CYP24A1: variants seen among roughly 807,000 people sequenced by gnomAD.
CYP24A1 encodes cytochrome P450 family 24 subfamily A member 1.
CYP24A1 carries 68 observed loss-of-function variants against 62.4 expected under a neutral mutation model. The ratio of observed to expected loss-of-function variants is 1.09; its 90% CI spans 0.90 to 1.33. The LOEUF is 1.33. Ranked by LOEUF, CYP24A1 falls within the 40% of genes most tolerant of loss-of-function variation. The pLI, the probability that CYP24A1 is intolerant of heterozygous loss-of-function variation, is 0.00. For missense variants in CYP24A1, 787 were observed against 653.0 expected (o/e 1.21, Z -2.24); for synonymous variants, 267 against 253.0 (o/e 1.06, Z -0.52).
At chr20:54,145,751 C>A in the CYP24A1 span, among the ~76,000 whole-genome samples, 1 of 152,108 alleles carries the variant, frequency 6.6e-6, no homozygotes, top group Non-Finnish European at 1.5e-5. Context: ...TCCTTTCTCA[C>A]GTAATCACCA....
chr20:54,158,532 ATGT>A (rs1240174250), intron 8 of CYP24A1, among the ~76,000 whole-genome samples: 2 of 152,186 alleles, frequency 1.3e-5, no homozygotes, highest in African/African-American at 2.4e-5. Flanking sequence ...TAATCCTAAA[ATGT>A]TGTGAGTTTT....
At position 54,166,461 on chromosome 20, in the gene CYP24A1, C is replaced by G. The variant is rs146159008; in HGVS notation, c.641-628G>C. Reference sequence around the variant, plus strand: ...ATCCCCCGAACTCATCAACATCTTGCTGCCATTTCTTTCTCTTTGTGTGTA... The same window carrying G: ...ATCCCCCGAACTCATCAACATCTTGGTGCCATTTCTTTCTCTTTGTGTGTA... On this transcript the variant is annotated intron_variant, in intron 4 of 11. Transcript: ENST00000216862. 5.5e-3 allele frequency among the ~76,000 whole-genome samples: 838 copies of G among 152,290 alleles called. 8 individuals are homozygous for G. Among genetic ancestry groups the G allele is most frequent in the African/African-American group, 0.019 (802 of 41,562 alleles).
chr20:54,147,376 G>A, the CYP24A1 span, among the ~76,000 whole-genome samples: 3 of 152,188 alleles, frequency 2.0e-5, no homozygotes, highest in Admixed American at 6.5e-5. Context: ...TTTCTAGAAC[G>A]TGCAAAATAG....
At chr20:54,172,853 C>A (rs2092698560) in intron 2 of CYP24A1, 56 bp downstream of exon 2, 1 of 1,610,868 alleles carries the variant, frequency 6.2e-7, no homozygotes, top group South Asian at 1.1e-5. Flanking sequence ...AATTTCCAGG[C>A]GCCGTCAGGC....
chr20:54,150,972 C>T (rs1002237630), downstream of CYP24A1, among the ~76,000 whole-genome samples: 6 of 152,030 alleles, frequency 3.9e-5, no homozygotes, highest in African/African-American at 1.2e-4. Flanking sequence ...AATACAAACA[C>T]GATCAGTTTT....
At chr20:54,162,691 C>G in intron 7 of CYP24A1, 26 bp downstream of exon 7, 1 of 1,486,418 alleles carries the variant, frequency 6.7e-7, no homozygotes, top group Non-Finnish European at 9.4e-7. Flanking sequence ...GTTCATTTAG[C>G]AAACTCAAAT....
intron 6 of CYP24A1, among the ~76,000 whole-genome samples, chr20:54,163,693 C>T (rs1227115733): frequency 6.6e-6 from 1 of 152,244 alleles, no homozygotes; most frequent in Non-Finnish European, 1.5e-5. Flanking sequence ...TCCCCTTCGT[C>T]ATGTGGCAGA....
the CYP24A1 span, among the ~76,000 whole-genome samples, chr20:54,145,639 C>CAAAAA: frequency 1.1e-5 from 1 of 93,846 alleles, no homozygotes; most frequent in African/African-American, 4.3e-5. Flanking sequence ...GACTCTGTCT[C>CAAAAA]AAAAAAAAAA....
chr20:54,163,914 T>C (rs895243962), intron 6 of CYP24A1, among the ~76,000 whole-genome samples: 1 of 152,170 alleles, frequency 6.6e-6, no homozygotes, highest in Admixed American at 6.6e-5. Flanking sequence ...GAACTTGAAC[T>C]CAGGAGTCCC....
At position 54,173,204 on chromosome 20, in the gene CYP24A1, C is replaced by A. The variant is rs2248137; in HGVS notation, c.259-105G>T. ...TCCTCCTAGGGGACCGGGGACCCTC[C>A]CTGCCCAGACGCCGAAGCGCACCAT... On this transcript the variant is annotated intron_variant, in intron 1 of 11. Coordinates refer to ENST00000216862, the MANE Select transcript of CYP24A1 (RefSeq NM_000782.5). This position sits in a 1 kb window ranked among gnomAD's most constrained non-coding sequence, Gnocchi z 7.2. 39 of 1,524,142 alleles carry A rather than the reference C, an allele frequency of 2.6e-5. No individual in the cohort carries two copies. Among genetic ancestry groups the A allele is most frequent in the Admixed American group, 1.2e-4 (7 of 56,728 alleles). The allele number at this position is 1,524,142 out of a possible 1,614,324, so 94.4% of individuals were successfully genotyped here. A position where few individuals can be genotyped will look rare whatever the true frequency, so the allele number is the denominator to read the frequency against.
chr20:54,162,549 T>C (rs539686344), intron 7 of CYP24A1, 168 bp downstream of exon 7: 2 of 462,284 alleles, frequency 4.3e-6, no homozygotes, highest in South Asian at 4.6e-5. Flanking sequence ...GTGGCATAGA[T>C]GCTGTGCGCG....
intron 11 of CYP24A1, among the ~76,000 whole-genome samples, chr20:54,155,849 CT>C (rs1273081375): frequency 6.6e-6 from 1 of 151,846 alleles, no homozygotes; most frequent in African/African-American, 2.4e-5. Context: ...GACTTACTAA[CT>C]CTTAATTTCA....
Position 54,173,695 on chromosome 20 carries a change from C to T in CYP24A1, c.-116G>A. On this transcript the variant is annotated 5_prime_UTR_variant, in exon 1 of 12. Transcript: ENST00000216862. The surrounding 1 kb of genome is among the most constrained non-coding windows in gnomAD (Gnocchi z 7.2). Reference sequence around the variant, plus strand: ...TTCTGGGAAAAGGAAGCAAAGAGGGCCAGCTGGTGTGATGGAGCGGGGTGA... The same window carrying T: ...TTCTGGGAAAAGGAAGCAAAGAGGGTCAGCTGGTGTGATGGAGCGGGGTGA... 1.4e-6 allele frequency: 1 copy of T among 704,632 alleles called. No individual in the cohort carries two copies. 43.6% of individuals were successfully genotyped at this position (704,632 alleles called of 1,614,324 possible). A position where few individuals can be genotyped will look rare whatever the true frequency, so the allele number is the denominator to read the frequency against.
intron 5 of CYP24A1, 75 bp from the exon 6 acceptor site, chr20:54,164,638 C>A (rs1009008208): frequency 2.5e-6 from 4 of 1,611,518 alleles, no homozygotes; most frequent in East Asian, 4.5e-5. Context: ...GGAAGAGGAA[C>A]ATTCTAAACC....
At chr20:54,159,777 T>C (rs951744223) in intron 7 of CYP24A1, among the ~76,000 whole-genome samples, 3 of 152,204 alleles carry the variant, frequency 2.0e-5, no homozygotes, top group African/African-American at 4.8e-5. Context: ...GTTAAATCAA[T>C]GCCAATTTTC....
At chr20:54,169,452 A>T in intron 4 of CYP24A1, 140 bp downstream of exon 4, 1 of 1,528,070 alleles carries the variant, frequency 6.5e-7, no homozygotes, top group Non-Finnish European at 8.8e-7. Flanking sequence ...TTAAGCACCT[A>T]AAAGAAGCAT....
At chr20:54,166,902 GGCTACATGTGCCTGTAGTTCCA>G (rs1318874627) in intron 4 of CYP24A1, among the ~76,000 whole-genome samples, 46 of 152,152 alleles carry the variant, frequency 3.0e-4, no homozygotes, top group African/African-American at 1.1e-3. Context: ...ATTCAGGCAT[GGCTACATGTGCCTGTAGTTCCA>G]GCTACTCTGG....
At chr20:54,163,097 A>G (rs1038550586) in intron 6 of CYP24A1, among the ~76,000 whole-genome samples, 2 of 152,218 alleles carry the variant, frequency 1.3e-5, no homozygotes, top group Non-Finnish European at 2.9e-5. Flanking sequence ...GGAGTCACCT[A>G]GGCATCTTCT....
At chr20:54,145,362 T>A in the CYP24A1 span, among the ~76,000 whole-genome samples, 2 of 152,094 alleles carry the variant, frequency 1.3e-5, no homozygotes, top group African/African-American at 4.8e-5. Context: ...TTTGTTCTTT[T>A]GTTCTGTTTC....
Sources: allele counts gnomAD v4.1 joint callset (sites outside exome capture counted in the v4.1 genomes callset), GRCh38; gene constraint gnomAD v4.1.1; non-coding constraint Gnocchi (gnomAD v3.1); transcripts MANE v1.5; gene names NCBI Gene and HGNC (gene_info 2026-07-23, HGNC 2026-07-21).